The following PDCD2 variants were observed in gnomAD, a reference collection of about 807,000 sequenced individuals.
The protein encoded by PDCD2 is programmed cell death 2, also known as uS5 assembly chaperone PDCD2.
A neutral mutation model predicts 38.1 loss-of-function variants in PDCD2; 38 were observed. That is an observed-to-expected ratio of 1.00 (90% CI 0.77 to 1.31). PDCD2 has a LOEUF of 1.31. Ranked by LOEUF, PDCD2 falls within the 50% of genes most tolerant of loss-of-function variation. The pLI is 0.00. For missense variants in PDCD2, 473 were observed against 435.7 expected (o/e 1.09, Z -0.76); for synonymous variants, 205 against 168.9 (o/e 1.21, Z -1.66).
chr6:170,584,547 C>A lies in PDCD2; in HGVS notation c.35G>T (p.Gly12Val). 7.4e-7 allele frequency: 1 copy of A among 1,357,488 alleles called. No homozygotes were observed. Among genetic ancestry groups the A allele is most frequent in the African/African-American group, 1.5e-5 (1 of 65,780 alleles). 84.1% of individuals were successfully genotyped at this position (1,357,488 alleles called of 1,614,324 possible). Residue 12 changes from glycine to valine, a missense_variant, in exon 1 of 6, where the codon GGC becomes GTC. By Grantham distance (109) the Gly-to-Val change is moderately radical (BLOSUM62 -3). Coordinates refer to ENST00000541970, the MANE Select transcript of PDCD2 (RefSeq NM_002598.4). ...CCACGCCGGCGCCGACTCGGCGAAG[C>A]CCAGCTCCACAGGCCTGGCCCCGGC... ...AAAGARPVEL[G>V]FAESAPAWRL... is the part of the protein sequence containing the mutation.
chr6:170,577,774 C>T (rs1437479170), intron 5 of PDCD2, 57 bp from the exon 6 acceptor site: 1 of 1,548,442 alleles, frequency 6.5e-7, no homozygotes, highest in African/African-American at 1.4e-5. Context: ...AGCACGAGAC[C>T]TTCTCAGCCA....
Position 170,582,518 on chromosome 6 carries a change from T to G in PDCD2, c.658+539A>C, listed in dbSNP as rs1020670037. On this transcript the variant is annotated intron_variant, in intron 3 of 5. Coordinates refer to ENST00000541970, the MANE Select transcript of PDCD2 (RefSeq NM_002598.4). ...CAGTTTCTCACTCATTGGTCTGCTG[T>G]CACGATTTTAATGAGCTCATGCACA... 16 of 1,357,972 alleles carry G rather than the reference T, an allele frequency of 1.2e-5. No individual in the cohort carries two copies. In the African/African-American group the frequency reaches 2.2e-4, roughly 19 times the overall value. The allele number at this position is 1,357,972 out of a possible 1,614,324, so 84.1% of individuals were successfully genotyped here.
intron 3 of PDCD2, chr6:170,582,158 G>A: frequency 6.5e-7 from 1 of 1,529,200 alleles, no homozygotes; most frequent in African/African-American, 1.4e-5. Context: ...CACCTGTATT[G>A]TACTCTTATC....
chr6:170,582,631 T>C, intron 3 of PDCD2: 1 of 1,246,402 alleles, frequency 8.0e-7, no homozygotes, highest in Middle Eastern at 3.3e-4. Context: ...GCACAAGTAC[T>C]ACCCAAGAGT....
At chr6:170,581,371 T>G (rs1779591170) in intron 3 of PDCD2, 1 of 152,182 alleles carries the variant, frequency 6.6e-6, no homozygotes, top group Non-Finnish European at 1.5e-5. Flanking sequence ...TTACTGAGTT[T>G]TTTTAAAGTA....
intron 4 of PDCD2, 197 bp downstream of exon 4, chr6:170,579,801 CTATT>C (rs61380960): frequency 0.01 from 5,149 of 494,498 alleles, 197 homozygotes; most frequent in African/African-American, 0.086. Context: ...CTTTTAGTAA[CTATT>C]AAATGGATCA....
At chr6:170,581,570 A>G (rs1161791327) in intron 3 of PDCD2, 1 of 153,356 alleles carries the variant, frequency 6.5e-6, no homozygotes, top group African/African-American at 2.4e-5. Context: ...CTAGTTCTGG[A>G]ATCAACCACC....
At chr6:170,579,255 T>C in intron 4 of PDCD2, 1 of 334,216 alleles carries the variant, frequency 3.0e-6, no homozygotes. Context: ...TATGAATATA[T>C]TGTGAAGGGA....
Position 170,584,507 on chromosome 6 carries a change from C to T in PDCD2, c.75G>A (p.Glu25=), listed in dbSNP as rs918077053. The T allele has an allele frequency of 1.1e-5, 15 of 1,363,682 alleles. No homozygotes were observed. In the East Asian group the frequency reaches 3.4e-4, roughly 31 times the overall value. 84.5% of individuals were successfully genotyped at this position (1,363,682 alleles called of 1,614,324 possible). The change falls in exon 1 of 6, where the codon GAG becomes GAA. Residue 25 remains glutamate, a synonymous_variant. Coordinates refer to ENST00000541970, the MANE Select transcript of PDCD2 (RefSeq NM_002598.4). The stretch of plus-strand genomic sequence containing the variant: ...GCCCGCCCACCTTGCTGGGGAACTG[C>T]TCGCTGCGCAGTCGCCACGCCGGCG... ...ESAPAWRLRS[E]QFPSKVGGRP...
chr6:170,578,996 A>G (rs1188094374), intron 4 of PDCD2, 26 bp from the exon 5 acceptor site: 3 of 1,358,616 alleles, frequency 2.2e-6, no homozygotes, highest in African/African-American at 2.9e-5. Flanking sequence ...ATCATGTTCA[A>G]ATAATCAATA....
chr6:170,583,691 C>G lies in PDCD2; in HGVS notation c.340G>C (p.Glu114Gln). 1 of 1,613,858 alleles carries G rather than the reference C, an allele frequency of 6.2e-7. No homozygotes were observed. Among genetic ancestry groups the G allele is most frequent in the Non-Finnish European group, 8.5e-7 (1 of 1,179,754 alleles). ...NDFYSYEPPS[E>Q]NPPPETGESV... is the part of the protein sequence containing the mutation. ...TCTCCTGTTTCTGGGGGAGGATTCT[C>G]AGAAGGTGGCTCATATGAGTAAAAA... Residue 114 changes from glutamate to glutamine, a missense_variant, in exon 2 of 6, where the codon GAG becomes CAG. Glu to Gln is a conservative substitution (Grantham distance 29). Transcript: ENST00000541970.
rs377450946 is a variant in PDCD2, at chr6:170,577,562, C to G, written c.1032G>C (p.Pro344=). ...TTTTCAAGGCTTTAAGATGCCTTTACGGTGTATCTGTTACATCCTGCTTCC... is the reference window on the plus strand; with the variant it reads ...TTTTCAAGGCTTTAAGATGCCTTTAGGGTGTATCTGTTACATCCTGCTTCC... The part of the protein sequence containing the change: ...FVWKQDVTDT[P] Residue 344 remains proline (P), a synonymous_variant, in exon 6 of 6, where the codon CCG becomes CCC. Transcript: ENST00000541970. 1 of 1,613,150 alleles carries G rather than the reference C, an allele frequency of 6.2e-7. No individual in the cohort carries two copies. The highest frequency in any genetic ancestry group is 1.1e-5 in the South Asian group (1 of 91,038).
At chr6:170,582,832 A>C in intron 3 of PDCD2, 1 of 1,345,506 alleles carries the variant, frequency 7.4e-7, no homozygotes, top group Non-Finnish European at 9.5e-7. Flanking sequence ...TCATGGGACC[A>C]TCTGGATACC....
Position 170,578,986 on chromosome 6 carries a change from A to T in PDCD2, c.763-16T>A. 6.9e-7 allele frequency: 1 copy of T among 1,456,892 alleles called. No individual in the cohort carries two copies. Among genetic ancestry groups the T allele is most frequent in the South Asian group, 1.2e-5 (1 of 83,094 alleles). The allele number at this position is 1,456,892 out of a possible 1,614,324, so 90.2% of individuals were successfully genotyped here. On this transcript the variant is annotated splice_polypyrimidine_tract_variant and intron_variant, in intron 4 of 5. Transcript: ENST00000541970. ...ATCTAAGAATCTAAAATCAATGAAG[A>T]TCATGTTCAAATAATCAATACCTTA... is the stretch of plus-strand genomic sequence containing the variant.
At chr6:170,578,822 A>G (rs1275168891) in intron 5 of PDCD2, 35 bp downstream of exon 5, 3 of 1,259,734 alleles carry the variant, frequency 2.4e-6, no homozygotes, top group Non-Finnish European at 1.2e-6. Flanking sequence ...AATCATGGTG[A>G]TTACACACTA....
chr6:170,580,291 C>T (rs1779558451), intron 3 of PDCD2, among the ~76,000 whole-genome samples, 186 bp from the exon 4 acceptor site: 1 of 152,220 alleles, frequency 6.6e-6, no homozygotes, highest in Non-Finnish European at 1.5e-5. Flanking sequence ...TTTAGTGCAT[C>T]TCCTTAAAGC....
At chr6:170,578,736 A>G (rs537017075) in intron 5 of PDCD2, 121 bp downstream of exon 5, 31 of 739,974 alleles carry the variant, frequency 4.2e-5, no homozygotes, top group Non-Finnish European at 6.2e-5. Flanking sequence ...GATTTTCATT[A>G]TAGGGTACCC....
chr6:170,579,466 T>C (rs886670208), intron 4 of PDCD2: 1 of 155,652 alleles, frequency 6.4e-6, no homozygotes, highest in Non-Finnish European at 1.4e-5. Flanking sequence ...AGCATATGCA[T>C]TGCTAAAAAC....
rs767050564 is a variant in PDCD2, at chr6:170,583,603, G to A, written c.428C>T (p.Pro143Leu). 4.3e-6 allele frequency: 7 copies of A among 1,613,726 alleles called. No individual in the cohort carries two copies. In the African/African-American group the frequency reaches 5.3e-5, roughly 12 times the overall value. Reference sequence around the variant, plus strand: ...TTTGTGGCATCTGGAGCACGTTTTGGGGCCTAAACAGCCACAAACCCTGCA... The same window carrying A: ...TTTGTGGCATCTGGAGCACGTTTTGAGGCCTAAACAGCCACAAACCCTGCA... ...HLCRVCGCLG[P>L]KTCSRCHKAY... Residue 143 changes from proline (P) to leucine (L), a missense_variant, in exon 2 of 6, where the codon CCC becomes CTC. Physicochemically the swap from Pro to Leu is moderately conservative, Grantham distance 98. Coordinates refer to ENST00000541970, the MANE Select transcript of PDCD2 (RefSeq NM_002598.4).
Sources: gnomAD v4.1 joint callset for allele counts (sites outside exome capture counted in the v4.1 genomes callset) on GRCh38, gnomAD v4.1.1 for gene constraint, MANE v1.5 for transcripts, NCBI Gene and HGNC (gene_info 2026-07-23, HGNC 2026-07-21) for gene names.